ITGA8: variants seen among roughly 807,000 people sequenced by gnomAD.
ITGA8 encodes integrin alpha-8.
ITGA8 carries 91 observed loss-of-function variants against 142.3 expected under a neutral mutation model. That is an observed-to-expected ratio of 0.64 (90% confidence interval 0.54 to 0.76). The LOEUF (loss-of-function observed/expected upper bound fraction) is 0.76. Among genes scored for constraint, ITGA8 ranks in the 30% least tolerant of loss-of-function variants. The pLI is 0.00. For synonymous variants in ITGA8, 505 were observed against 485.2 expected, an observed-to-expected ratio of 1.04 and a Z score of -0.54; for missense variants, 1,406 against 1,327.7, an observed-to-expected ratio of 1.06 and a Z score of -0.92.
intron 25 of ITGA8, among the ~76,000 whole-genome samples, chr10:15,569,526 C>T (rs115331975): frequency 1.2e-4 from 19 of 152,270 alleles, no homozygotes; most frequent in African/African-American, 4.6e-4. Flanking sequence ...TTTCTGCTGC[C>T]TCCCTGTTCC....
At chr10:15,518,670 G>C (rs1325825729) in intron 29 of ITGA8, among the ~76,000 whole-genome samples, 1 of 152,176 alleles carries the variant, frequency 6.6e-6, no homozygotes, top group African/African-American at 2.4e-5. Context: ...AGGTTGGTGG[G>C]CCAGAAATTA....
chr10:15,594,498 C>G (rs1832980312), intron 21 of ITGA8, among the ~76,000 whole-genome samples: 1 of 152,218 alleles, frequency 6.6e-6, no homozygotes, highest in African/African-American at 2.4e-5. Context: ...ATTGCCAAAA[C>G]AGGCTGGGCG....
intron 22 of ITGA8, among the ~76,000 whole-genome samples, 192 bp from the exon 23 acceptor site, chr10:15,586,856 A>C (rs1196547021): frequency 6.6e-6 from 1 of 152,240 alleles, no homozygotes; most frequent in Non-Finnish European, 1.5e-5. Context: ...TATGATCAAT[A>C]GTAATGTAAC....
intron 22 of ITGA8, among the ~76,000 whole-genome samples, chr10:15,589,149 A>G (rs11819054): frequency 0.033 from 5,025 of 152,294 alleles, 287 homozygotes; most frequent in African/African-American, 0.11. Context: ...TTTCCTCTCT[A>G]CAACTGCACC....
intron 25 of ITGA8, among the ~76,000 whole-genome samples, chr10:15,561,809 A>G (rs942043494): frequency 3.9e-5 from 6 of 152,302 alleles, no homozygotes; most frequent in African/African-American, 1.4e-4. Flanking sequence ...ACACACCCCT[A>G]TAAAGAACTG....
chr10:15,668,928 C>T (rs1351446512), intron 8 of ITGA8, among the ~76,000 whole-genome samples: 1 of 152,186 alleles, frequency 6.6e-6, no homozygotes, highest in Non-Finnish European at 1.5e-5. Flanking sequence ...GGTAACCCGA[C>T]CTTTCTCTCT....
intron 19 of ITGA8, 66 bp from the exon 20 acceptor site, chr10:15,604,421 A>G: frequency 7.4e-7 from 1 of 1,349,664 alleles, no homozygotes; most frequent in African/African-American, 1.5e-5. Flanking sequence ...TATTTTATTT[A>G]AGGATTTATA....
intron 27 of ITGA8, among the ~76,000 whole-genome samples, chr10:15,537,395 T>C (rs1028251743): frequency 6.6e-6 from 1 of 152,214 alleles, no homozygotes; most frequent in African/African-American, 2.4e-5. Flanking sequence ...ACACAGCGAA[T>C]TGTACCCGTC....
intron 27 of ITGA8, among the ~76,000 whole-genome samples, chr10:15,538,512 G>GAA (rs71374631): frequency 1.2e-3 from 115 of 98,498 alleles, no homozygotes; most frequent in African/African-American, 2.6e-3. Flanking sequence ...ACTCCGTCTC[G>GAA]AAAAAAAAAA....
chr10:15,646,097 A>T (rs1833976753), intron 12 of ITGA8, among the ~76,000 whole-genome samples: 2 of 152,204 alleles, frequency 1.3e-5, no homozygotes, highest in African/African-American at 2.4e-5. Flanking sequence ...CACCAAATCC[A>T]AACATCAATT....
At chr10:15,667,261 T>G (rs1254410010) in intron 8 of ITGA8, among the ~76,000 whole-genome samples, 1 of 152,278 alleles carries the variant, frequency 6.6e-6, no homozygotes, top group East Asian at 1.9e-4. Context: ...ATGTATGTGT[T>G]GAGGAATTTA....
At chr10:15,542,907 A>T (rs939132936) in intron 27 of ITGA8, among the ~76,000 whole-genome samples, 1 of 152,226 alleles carries the variant, frequency 6.6e-6, no homozygotes, top group African/African-American at 2.4e-5. Context: ...ATTTGCAGAC[A>T]AACATCCCTC....
chr10:15,682,003 G>A (rs77219591), intron 4 of ITGA8, among the ~76,000 whole-genome samples: 8 of 152,274 alleles, frequency 5.3e-5, no homozygotes, highest in Non-Finnish European at 8.8e-5. Flanking sequence ...CACTTTGAAT[G>A]GAACATGACA....
intron 8 of ITGA8, among the ~76,000 whole-genome samples, chr10:15,662,017 C>T (rs1834296861): frequency 1.3e-5 from 2 of 152,108 alleles, no homozygotes; most frequent in Non-Finnish European, 2.9e-5. Context: ...AGGATTGGGC[C>T]ATTTGAGAAA....
chr10:15,542,623 A>G (rs1833592919), intron 27 of ITGA8, among the ~76,000 whole-genome samples: 1 of 152,234 alleles, frequency 6.6e-6, no homozygotes, highest in Non-Finnish European at 1.5e-5. Flanking sequence ...TGATCAAAAT[A>G]TAAAATCCAC....
chr10:15,540,580 G>C (rs1464571523), intron 27 of ITGA8, among the ~76,000 whole-genome samples: 1 of 152,216 alleles, frequency 6.6e-6, no homozygotes, highest in Non-Finnish European at 1.5e-5. Context: ...AGAACAGCTT[G>C]TGGCTTGAGG....
At position 15,688,037 on chromosome 10, in the gene ITGA8, G is replaced by A. The variant is rs772059681; in HGVS notation, c.345C>T (p.Asn115=). The change falls in exon 3 of 30, where the codon AAC becomes AAT. Residue 115 remains asparagine (N), a splice_region_variant and synonymous_variant. Coordinates refer to ENST00000378076, the MANE Select transcript of ITGA8 (RefSeq NM_003638.3). The part of the protein sequence containing the change: ...QCRQIPFDTT[N]NRKIRVNGTK... ...TTCCATTAACTCTGATCTTTCTGTT[G>A]TCTGTCAAAGAAGATAGGAAGAGTT... is the stretch of plus-strand genomic sequence containing the variant. 8 of 1,595,762 alleles carry A rather than the reference G, an allele frequency of 5.0e-6. No homozygotes were observed. The highest frequency in any genetic ancestry group is 3.3e-5 in the South Asian group (3 of 90,702).
rs1352769024 is a variant in ITGA8, at chr10:15,644,148, A to G, written c.1281T>C (p.Asp427=). Residue 427 remains aspartate, a synonymous_variant, in exon 13 of 30, where the codon GAT becomes GAC. Transcript: ENST00000378076. The part of the protein sequence containing the change: ...GKVLIYNGNK[D]GLNTKPSQVL... The stretch of plus-strand genomic sequence containing the variant: ...CTTGGGAAGGCTTGGTGTTTAAGCC[A>G]TCTTTGTTCCCATTATAAATGAGCA... 1.2e-6 allele frequency: 2 copies of G among 1,614,160 alleles called. No homozygotes were observed. The highest frequency in any genetic ancestry group is 1.3e-5 in the African/African-American group (1 of 75,038).
intron 26 of ITGA8, among the ~76,000 whole-genome samples, chr10:15,548,903 G>A (rs1359001942): frequency 6.6e-6 from 1 of 152,182 alleles, no homozygotes; most frequent in Non-Finnish European, 1.5e-5. Flanking sequence ...GGTTCAGCAA[G>A]TCTGGAAGGG....
Sources: allele counts gnomAD v4.1 joint callset (sites outside exome capture counted in the v4.1 genomes callset), GRCh38; gene constraint gnomAD v4.1.1; transcripts MANE v1.5; gene names NCBI Gene and HGNC (gene_info 2026-07-23, HGNC 2026-07-21).